The following SDC1 variants were observed in gnomAD, a reference collection of about 807,000 sequenced individuals.
The protein encoded by SDC1 is syndecan 1, also known as syndecan-1.
A neutral mutation model predicts 29.7 loss-of-function variants in SDC1; 14 were observed. The ratio of observed to expected loss-of-function variants is 0.47; its 90% confidence interval spans 0.31 to 0.74. The LOEUF (loss-of-function observed/expected upper bound fraction) is 0.74, where lower values mean the gene tolerates loss of function less well. Among genes scored for constraint, SDC1 ranks in the 30% least tolerant of loss-of-function variants. SDC1 has a pLI of 0.05. For synonymous variants in SDC1, 204 were observed against 175.5 expected (o/e 1.16, Z -1.29); for missense variants, 406 against 400.3 (o/e 1.01, Z -0.12).
intron 1 of SDC1, among the ~76,000 whole-genome samples, chr2:20,217,872 C>T (rs575026680): frequency 6.6e-6 from 1 of 152,292 alleles, no homozygotes; most frequent in East Asian, 1.9e-4. Context: ...GTGCGGAGAA[C>T]ATCATACAGC....
Position 20,202,619 on chromosome 2 carries a change from C to T in SDC1, c.*147G>A, listed in dbSNP as rs1131351. 5.6e-5 allele frequency: 43 copies of T among 774,618 alleles called. No individual in the cohort carries two copies. Among genetic ancestry groups the T allele is most frequent in the East Asian group, 4.2e-4 (17 of 40,140 alleles). The allele number at this position is 774,618 out of a possible 1,614,324, so 48.0% of individuals were successfully genotyped here. ...AGAGTGGAGCTCCCAGCACACCCCACGACTCCGTGGGCAGGAGCGACCAGA... is the reference window on the plus strand; with the variant it reads ...AGAGTGGAGCTCCCAGCACACCCCATGACTCCGTGGGCAGGAGCGACCAGA... On this transcript the variant is annotated 3_prime_UTR_variant, in exon 5 of 5. Transcript: ENST00000254351.
chr2:20,213,373 C>T (rs1677533815), intron 1 of SDC1, among the ~76,000 whole-genome samples: 2 of 152,242 alleles, frequency 1.3e-5, no homozygotes, highest in Non-Finnish European at 2.9e-5. Context: ...GCCTCAGTGC[C>T]TAGTTCTGCT....
Position 20,225,062 on chromosome 2 carries a change from C to T in SDC1, c.-195G>A. ...CCTCTCCGCTCGGCTCGGATTCGGC[C>T]CGCACCTCTCCCGCCGAGCTCCGCC... On this transcript the variant is annotated 5_prime_UTR_variant, in exon 1 of 5. Coordinates refer to ENST00000254351, the MANE Select transcript of SDC1 (RefSeq NM_002997.5). 1 of 573,858 alleles carries T rather than the reference C, an allele frequency of 1.7e-6. No individual in the cohort carries two copies. Among genetic ancestry groups the T allele is most frequent in the Non-Finnish European group, 2.5e-6 (1 of 406,434 alleles). 35.5% of individuals were successfully genotyped at this position (573,858 alleles called of 1,614,324 possible).
rs1329487777 is a variant in SDC1, at chr2:20,214,574, C to T, written c.67-9150G>A. Among the ~76,000 whole-genome samples, 6 of 152,202 alleles carry T rather than the reference C, an allele frequency of 3.9e-5. No homozygotes were observed. In the South Asian group the frequency reaches 6.2e-4, roughly 16 times the overall value. Reference sequence around the variant, plus strand: ...ACAGCCTCCAACCCCCAGCACAGAGCTCCTAGCCCTCTCAGCCTCTGCACA... The same window carrying T: ...ACAGCCTCCAACCCCCAGCACAGAGTTCCTAGCCCTCTCAGCCTCTGCACA... On this transcript the variant is annotated intron_variant, in intron 1 of 4. Coordinates refer to ENST00000254351, the MANE Select transcript of SDC1 (RefSeq NM_002997.5).
chr2:20,213,504 C>T (rs1677538425), intron 1 of SDC1, among the ~76,000 whole-genome samples: 1 of 152,238 alleles, frequency 6.6e-6, no homozygotes, highest in South Asian at 2.1e-4. Context: ...CAAGGGGAGT[C>T]ATGGCTTAGG....
intron 1 of SDC1, among the ~76,000 whole-genome samples, chr2:20,217,624 G>C (rs1677670597): frequency 6.6e-6 from 1 of 152,192 alleles, no homozygotes; most frequent in Non-Finnish European, 1.5e-5. Flanking sequence ...CCAGGCCCCT[G>C]AGCCCCGGCT....
rs183774400 is a variant in SDC1 at position 20,202,435 on chromosome 2, T to A, written c.*331A>T. On this transcript the variant is annotated 3_prime_UTR_variant, in exon 5 of 5. Transcript: ENST00000254351. Reference sequence around the variant, plus strand: ...ATGAGGCCATTTAGGTCCAAAGCAGTCGGATCCCCCTCCCCTCCAGAGCTG... The same window carrying A: ...ATGAGGCCATTTAGGTCCAAAGCAGACGGATCCCCCTCCCCTCCAGAGCTG... The A allele has an allele frequency of 2.7e-4, 165 of 612,578 alleles. No homozygotes were observed. In the East Asian group the frequency reaches 4.6e-3, roughly 17 times the overall value. The allele number at this position is 612,578 out of a possible 1,614,324, so 37.9% of individuals were successfully genotyped here. A position where few individuals can be genotyped will look rare whatever the true frequency, so the allele number is the denominator to read the frequency against.
In SDC1 at chr2:20,204,160, G is replaced by A; in HGVS notation, c.280C>T (p.Pro94Ser). Residue 94 changes from proline (P) to serine (S), a missense_variant, in exon 3 of 5, where the codon CCG (proline) becomes TCG (serine). Pro to Ser is a moderately conservative substitution (Grantham distance 74). Coordinates refer to ENST00000254351, the MANE Select transcript of SDC1 (RefSeq NM_002997.5). ...CCCTCCTTGGGCCCCTCTCCAGCCG[G>A]CAGGGTGGAGGTGGAGGCAGCTGTA... ...EATAASTSTL[P>S]AGEGPKEGEA... is the part of the protein sequence containing the mutation. 6.2e-7 allele frequency: 1 copy of A among 1,601,378 alleles called. No individual in the cohort carries two copies. Among genetic ancestry groups the A allele is most frequent in the Non-Finnish European group, 8.5e-7 (1 of 1,179,874 alleles).
At chr2:20,215,010 C>A (rs1184237795) in intron 1 of SDC1, among the ~76,000 whole-genome samples, 4 of 152,234 alleles carry the variant, frequency 2.6e-5, no homozygotes, top group African/African-American at 9.6e-5. Context: ...CCAAGGCACA[C>A]AGCCACTGAA....
Position 20,211,248 on chromosome 2 carries a change from G to T in SDC1, c.67-5824C>A, listed in dbSNP as rs137957021. Among the ~76,000 whole-genome samples the T allele has an allele frequency of 1.1e-4, 16 of 152,252 alleles. No individual in the cohort carries two copies. The East Asian group carries it at 2.9e-3, about 28-fold the overall frequency. On this transcript the variant is annotated intron_variant, in intron 1 of 4. Transcript: ENST00000254351. Reference sequence around the variant, plus strand: ...CATTCACAAGCCCCAGGTCCTGTAGGGGGTCTTCAGACTGCACTTTGAAAA... The same window carrying T: ...CATTCACAAGCCCCAGGTCCTGTAGTGGGTCTTCAGACTGCACTTTGAAAA...
At chr2:20,223,785 G>A (rs1362870178) in intron 1 of SDC1, among the ~76,000 whole-genome samples, 2 of 152,246 alleles carry the variant, frequency 1.3e-5, no homozygotes, top group African/African-American at 4.8e-5. Flanking sequence ...GCCGGTGGCC[G>A]GGGCGGGAGA....
At chr2:20,223,422 T>G in intron 1 of SDC1, 1 of 501,100 alleles carries the variant, frequency 2.0e-6, no homozygotes, top group Non-Finnish European at 3.4e-6. Flanking sequence ...CCCCCGCCCC[T>G]TCCCTGCCCA....
At chr2:20,221,556 A>G (rs189826883) in intron 1 of SDC1, among the ~76,000 whole-genome samples, 3 of 152,288 alleles carry the variant, frequency 2.0e-5, no homozygotes, top group Admixed American at 2.0e-4. Flanking sequence ...GGAAATAAAT[A>G]CTTCAGAGAG....
At chr2:20,204,921 C>G (rs1677204003) in intron 2 of SDC1, among the ~76,000 whole-genome samples, 1 of 152,250 alleles carries the variant, frequency 6.6e-6, no homozygotes, top group Admixed American at 6.5e-5. Context: ...AAGAGCTACA[C>G]CCCAGCTGGC....
intron 1 of SDC1, among the ~76,000 whole-genome samples, chr2:20,212,001 G>A (rs1215349330): frequency 2.0e-5 from 3 of 152,228 alleles, no homozygotes; most frequent in Non-Finnish European, 2.9e-5. Flanking sequence ...CTGGGGACCT[G>A]GGCAGCTTTC....
At chr2:20,210,400 A>T (rs545564961) in intron 1 of SDC1, among the ~76,000 whole-genome samples, 1 of 152,192 alleles carries the variant, frequency 6.6e-6, no homozygotes, top group Admixed American at 6.5e-5. Context: ...CTCCAGGGGG[A>T]TTTAAAAAGG....
In SDC1 at chr2:20,224,898, G is replaced by A; in HGVS notation, c.-31C>T. 1 of 1,210,462 alleles carries A rather than the reference G, an allele frequency of 8.3e-7. No individual in the cohort carries two copies. The highest frequency in any genetic ancestry group is 1.0e-6 in the Non-Finnish European group (1 of 974,918). 75.0% of individuals were successfully genotyped at this position (1,210,462 alleles called of 1,614,324 possible). ...CCGGACCGGCGGCGGGAGAGCGGCA[G>A]GCTGCGCGGGTCGCGGCTGCGGGCC... is the stretch of plus-strand genomic sequence containing the variant. On this transcript the variant is annotated 5_prime_UTR_variant, in exon 1 of 5. Transcript: ENST00000254351. This position sits in a 1 kb window ranked among gnomAD's most constrained non-coding sequence, Gnocchi z 4.9.
Position 20,201,390 on chromosome 2 carries a change from CAG to C in SDC1, c.*1374_*1375del, listed in dbSNP as rs1677003597. 6.6e-6 allele frequency: 1 copy of C among 152,382 alleles called. No individual in the cohort carries two copies. The highest frequency in any genetic ancestry group is 1.5e-5 in the Non-Finnish European group (1 of 68,048). The allele number at this position is 152,382 out of a possible 1,614,324, so 9.4% of individuals were successfully genotyped here. A position where few individuals can be genotyped will look rare whatever the true frequency, so the allele number is the denominator to read the frequency against. On this transcript the variant is annotated 3_prime_UTR_variant, in exon 5 of 5. Coordinates refer to ENST00000254351, the MANE Select transcript of SDC1 (RefSeq NM_002997.5). Reference sequence around the variant, plus strand: ...CCTCCCCATGGGAAAGACGAAGGCACAGAGATTCGAGCCAAGTTTCCCAACAT... The same window carrying C: ...CCTCCCCATGGGAAAGACGAAGGCACAGATTCGAGCCAAGTTTCCCAACAT...
intron 1 of SDC1, among the ~76,000 whole-genome samples, chr2:20,214,940 C>T (rs1239052788): frequency 6.6e-6 from 1 of 152,212 alleles, no homozygotes. Flanking sequence ...ACCTTAGGTT[C>T]TAGTACCATG....
Sources: gnomAD v4.1 joint callset for allele counts (sites outside exome capture counted in the v4.1 genomes callset) on GRCh38, gnomAD v4.1.1 for gene constraint, Gnocchi (gnomAD v3.1) non-coding constraint, MANE v1.5 for transcripts, NCBI Gene and HGNC (gene_info 2026-07-23, HGNC 2026-07-21) for gene names.